SORBS2: variants seen among roughly 807,000 people sequenced by gnomAD.
SORBS2 encodes the protein sorbin and SH3 domain containing 2.
Under a neutral mutation model 97.7 loss-of-function variants are expected in SORBS2, and 46 were observed. That is an observed-to-expected ratio of 0.47 (90% CI 0.37 to 0.60). The LOEUF is 0.60. Ranked by LOEUF, SORBS2 falls within the 20% of genes least tolerant of loss-of-function variation. SORBS2 has a pLI of 0.00. For missense variants in SORBS2, 1,316 were observed against 1,282.3 expected (o/e 1.03, Z -0.40); for synonymous variants, 476 against 473.4 (o/e 1.01, Z -0.07).
chr4:185,664,883 T>G (rs1035706147), intron 4 of SORBS2, among the ~76,000 whole-genome samples: 1 of 152,152 alleles, frequency 6.6e-6, no homozygotes, highest in Non-Finnish European at 1.5e-5. Context: ...AAAAAAAATC[T>G]GATTTTTTTG....
At chr4:185,740,927 A>G (rs1234771012) in intron 2 of SORBS2, among the ~76,000 whole-genome samples, 3 of 151,812 alleles carry the variant, frequency 2.0e-5, no homozygotes, top group African/African-American at 7.3e-5. Flanking sequence ...ACCAGCACCA[A>G]CTCAAACCAG....
intron 1 of SORBS2, among the ~76,000 whole-genome samples, chr4:185,899,916 A>G (rs925686356): frequency 2.0e-5 from 3 of 152,176 alleles, no homozygotes; most frequent in African/African-American, 7.2e-5. Context: ...AGCCTGGAGG[A>G]AAACAGGTAA....
intron 1 of SORBS2, among the ~76,000 whole-genome samples, chr4:185,781,882 C>CT (rs777646690): frequency 6.8e-4 from 103 of 152,250 alleles, no homozygotes; most frequent in Non-Finnish European, 8.4e-4. Flanking sequence ...CCGCCACCCC[C>CT]TTTTTTTAAC....
chr4:185,827,857 G>A (rs557667910), intron 1 of SORBS2, among the ~76,000 whole-genome samples: 2,150 of 123,200 alleles, frequency 0.017, 58 homozygotes, highest in African/African-American at 0.063. Context: ...CATCATCAGC[G>A]TCACCATCAT....
intron 9 of SORBS2, among the ~76,000 whole-genome samples, chr4:185,617,944 T>C (rs1321939921): frequency 6.6e-6 from 1 of 152,208 alleles, no homozygotes; most frequent in East Asian, 1.9e-4. Context: ...CCAGCTAGTG[T>C]TAATTACTCC....
At position 185,607,115 on chromosome 4, in the gene SORBS2, C is replaced by T. The variant is rs761996715; in HGVS notation, c.2796+4665G>A. The stretch of plus-strand genomic sequence containing the variant: ...GGTTCCTCCTTAATTTCCAGGATGG[C>T]GTCCTCTAGGATGGTTGGTTTGGCT... On this transcript the variant is annotated intron_variant, in intron 12 of 14. Transcript: ENST00000418609. This position sits in a 1 kb window ranked among gnomAD's most constrained non-coding sequence, Gnocchi z 5.2. 2.5e-5 allele frequency: 26 copies of T among 1,058,954 alleles called. No individual in the cohort carries two copies. The highest frequency in any genetic ancestry group is 2.9e-5 in the Non-Finnish European group (25 of 872,462). 65.6% of individuals were successfully genotyped at this position (1,058,954 alleles called of 1,614,324 possible). A position where few individuals can be genotyped will look rare whatever the true frequency, so the allele number is the denominator to read the frequency against.
At chr4:185,721,294 C>G (rs1486847500) in intron 2 of SORBS2, among the ~76,000 whole-genome samples, 1 of 152,092 alleles carries the variant, frequency 6.6e-6, no homozygotes, top group Non-Finnish European at 1.5e-5. Context: ...AGGCTGGTCT[C>G]AAACTCCTGA....
At chr4:185,591,070 T>A (rs1242209309) in intron 13 of SORBS2, among the ~76,000 whole-genome samples, 1 of 147,394 alleles carries the variant, frequency 6.8e-6, no homozygotes, top group African/African-American at 2.6e-5. Flanking sequence ...AATATTTTGG[T>A]AGAACAAAAC....
chr4:185,653,787 C>CAGATTATATAATCTGTG (rs1318471369), intron 1 of SORBS2, among the ~76,000 whole-genome samples: 2 of 152,164 alleles, frequency 1.3e-5, no homozygotes, highest in African/African-American at 2.4e-5. Context: ...ATCGTACTCA[C>CAGATTATATAATCTGTG]AGATTTTGCT....
At chr4:185,876,610 T>C (rs951338705) in intron 1 of SORBS2, among the ~76,000 whole-genome samples, 1 of 152,178 alleles carries the variant, frequency 6.6e-6, no homozygotes, top group Non-Finnish European at 1.5e-5. Context: ...GCCCGCCAAG[T>C]GTCTTTAAGA....
At position 185,851,150 on chromosome 4, in the gene SORBS2, G is replaced by A. The variant is rs74832840; in HGVS notation, c.-337-75784C>T. ...AAACATATATTCTCTGGGGACCCTCGGCTGATACCAGGTGCACTTGTTAAA... is the reference window on the plus strand; with the variant it reads ...AAACATATATTCTCTGGGGACCCTCAGCTGATACCAGGTGCACTTGTTAAA... On this transcript the variant is annotated intron_variant, in intron 1 of 20. Transcript: ENST00000284776. Among the ~76,000 whole-genome samples the A allele has an allele frequency of 3.3e-3, 506 of 152,154 alleles. 9 individuals are homozygous for A. The highest frequency in any genetic ancestry group is 0.023 in the Admixed American group (351 of 15,272).
chr4:185,835,593 G>A (rs900921066), intron 1 of SORBS2, among the ~76,000 whole-genome samples: 1 of 151,598 alleles, frequency 6.6e-6, no homozygotes, highest in African/African-American at 2.4e-5. Flanking sequence ...TTCAAAAAAG[G>A]TGATCACGAT....
chr4:185,755,051 C>G (rs185110633), intron 2 of SORBS2, among the ~76,000 whole-genome samples: 210 of 152,346 alleles, frequency 1.4e-3, no homozygotes, highest in African/African-American at 4.9e-3. Flanking sequence ...CTTTATATAC[C>G]TGAGAGATGT....
chr4:185,947,720 C>T (rs1440743418), intron 1 of SORBS2, among the ~76,000 whole-genome samples: 1 of 152,186 alleles, frequency 6.6e-6, no homozygotes, highest in Non-Finnish European at 1.5e-5. Flanking sequence ...AAGTGATTCT[C>T]CTGTCTCAGC....
chr4:185,727,670 C>A (rs1033941795), intron 2 of SORBS2, among the ~76,000 whole-genome samples: 4 of 152,140 alleles, frequency 2.6e-5, no homozygotes, highest in Admixed American at 1.3e-4. Flanking sequence ...GTTATTAAAC[C>A]ATTTTGTAAC....
chr4:185,751,172 T>TAAAAAAAAAAAAAAAAAAAAAAA lies in SORBS2; in HGVS notation c.-198+24054_-198+24055insTTTTTTTTTTTTTTTTTTTTTTT, dbSNP rs71593649. On this transcript the variant is annotated intron_variant, in intron 2 of 20. Transcript: ENST00000284776. ...AAGGAATGCTCTTAGCTCTAAATACTAAAAAAAAAAAAAAAAAAAGAGAAA... is the reference window on the plus strand; with the variant it reads ...AAGGAATGCTCTTAGCTCTAAATACTAAAAAAAAAAAAAAAAAAAAAAAAAAAAAAAAAAAAAAAAAAGAGAAA... 8.5e-4 allele frequency among the ~76,000 whole-genome samples: 27 copies of TAAAAAAAAAAAAAAAAAAAAAAA among 31,666 alleles called. 2 individuals are homozygous for TAAAAAAAAAAAAAAAAAAAAAAA. The highest frequency in any genetic ancestry group is 3.4e-3 in the South Asian group (2 of 586). 20.8% of individuals were successfully genotyped at this position (31,666 alleles called of 152,430 possible).
At chr4:185,674,752 A>G (rs2097768709) in intron 4 of SORBS2, among the ~76,000 whole-genome samples, 1 of 151,930 alleles carries the variant, frequency 6.6e-6, no homozygotes. Context: ...AGCATGATCA[A>G]CCTCAAAGCC....
At chr4:185,709,559 C>A (rs1047233388) in intron 2 of SORBS2, among the ~76,000 whole-genome samples, 14 of 152,130 alleles carry the variant, frequency 9.2e-5, no homozygotes, top group Middle Eastern at 6.8e-3. Context: ...TACATGTCTA[C>A]CCCTACATTT....
intron 7 of SORBS2, among the ~76,000 whole-genome samples, chr4:185,621,673 A>G (rs543370147): frequency 6.6e-6 from 1 of 152,332 alleles, no homozygotes; most frequent in South Asian, 2.1e-4. Flanking sequence ...AAACATAAAG[A>G]CTAAGTAGAT....
Sources: allele counts gnomAD v4.1 joint callset (sites outside exome capture counted in the v4.1 genomes callset), GRCh38; gene constraint gnomAD v4.1.1; non-coding constraint Gnocchi (gnomAD v3.1); transcripts MANE v1.5; gene names NCBI Gene and HGNC (gene_info 2026-07-23, HGNC 2026-07-21).